NRG1: variants seen among roughly 807,000 people sequenced by gnomAD.
NRG1 encodes neuregulin 1.
A neutral mutation model predicts 63.8 loss-of-function variants in NRG1; 18 were observed. The observed-to-expected ratio is 0.28, with a 90% CI of 0.19 to 0.42. NRG1 has a LOEUF of 0.42. Among genes scored for constraint, NRG1 ranks in the 10% least tolerant of loss-of-function variants. The pLI is 1.00. For missense variants in NRG1, 762 were observed against 814.7 expected, an observed-to-expected ratio of 0.94 and a Z score of 0.79; for synonymous variants, 302 against 301.3, an observed-to-expected ratio of 1.00 and a Z score of -0.02.
intron 1 of NRG1, chr8:32,063,482 C>A (rs1824219435): frequency 6.6e-6 from 1 of 152,074 alleles, no homozygotes; most frequent in African/African-American, 2.4e-5. Flanking sequence ...GAGATCTTGA[C>A]AATTGTCTTG....
chr8:31,939,504 A>G (rs1018723415), intron 1 of NRG1, among the ~76,000 whole-genome samples: 5 of 143,678 alleles, frequency 3.5e-5, no homozygotes, highest in Non-Finnish European at 4.5e-5. Flanking sequence ...TAACACAATG[A>G]AAAAAAAAAA....
chr8:32,642,864 G>A (rs935278469), intron 5 of NRG1, among the ~76,000 whole-genome samples: 1 of 152,084 alleles, frequency 6.6e-6, no homozygotes, highest in Non-Finnish European at 1.5e-5. Flanking sequence ...TGAGTAATAA[G>A]GTCAAAAGCA....
chr8:32,506,076 C>T (rs1828484065), intron 1 of NRG1, among the ~76,000 whole-genome samples: 1 of 151,894 alleles, frequency 6.6e-6, no homozygotes, highest in Admixed American at 6.6e-5. Flanking sequence ...ATAGCAAGAC[C>T]CTGTCTCTAA....
intron 1 of NRG1, among the ~76,000 whole-genome samples, chr8:32,399,749 G>A (rs1029529787): frequency 6.6e-6 from 1 of 152,174 alleles, no homozygotes; most frequent in Non-Finnish European, 1.5e-5. Context: ...TCATAACTTT[G>A]TGTAGAGACT....
chr8:32,389,610 A>G (rs1811452474), intron 1 of NRG1, among the ~76,000 whole-genome samples: 1 of 152,036 alleles, frequency 6.6e-6, no homozygotes, highest in South Asian at 2.1e-4. Context: ...GGCCATCCTC[A>G]CTGACCACCT....
At chr8:32,284,489 G>GCCTTCCTTCATTCCTTCCTTCCTT (rs1554497420) in intron 1 of NRG1, among the ~76,000 whole-genome samples, 1 of 132,522 alleles carries the variant, frequency 7.5e-6, no homozygotes, top group African/African-American at 2.9e-5. Flanking sequence ...CTGCCTGCCT[G>GCCTTCCTTCATTCCTTCCTTCCTT]CCTTCCTTCC....
intron 1 of NRG1, among the ~76,000 whole-genome samples, chr8:32,362,042 C>T (rs1472325827): frequency 6.6e-6 from 1 of 152,116 alleles, no homozygotes; most frequent in African/African-American, 2.4e-5. Flanking sequence ...CCAGTGACAC[C>T]CTCCTCCAGA....
At chr8:32,418,016 A>T (rs116354170) in intron 1 of NRG1, among the ~76,000 whole-genome samples, 1,802 of 152,274 alleles carry the variant, frequency 0.012, 38 homozygotes, top group African/African-American at 0.041. Context: ...TAGTTTTGCT[A>T]TCACTAGATA....
chr8:31,924,824 T>C (rs1834207682), intron 1 of NRG1, among the ~76,000 whole-genome samples: 1 of 151,970 alleles, frequency 6.6e-6, no homozygotes, highest in Non-Finnish European at 1.5e-5. Context: ...ATTCAAAATA[T>C]ATTCTAGCAT....
At chr8:32,642,988 T>A (rs558783888) in intron 5 of NRG1, among the ~76,000 whole-genome samples, 1 of 152,232 alleles carries the variant, frequency 6.6e-6, no homozygotes, top group East Asian at 1.9e-4. Context: ...CTAGCTTGAA[T>A]TGATGTAGCT....
At chr8:32,426,185 G>A (rs1031140071) in intron 1 of NRG1, among the ~76,000 whole-genome samples, 10 of 152,092 alleles carry the variant, frequency 6.6e-5, no homozygotes, top group South Asian at 2.1e-4. Context: ...TTCATTTAGG[G>A]CAAAATCATG....
At chr8:32,008,223 G>C (rs115165252) in intron 1 of NRG1, among the ~76,000 whole-genome samples, 1 of 151,872 alleles carries the variant, frequency 6.6e-6, no homozygotes, top group Non-Finnish European at 1.5e-5. Context: ...ATTAGAGTAC[G>C]CTTTCCCAGA....
intron 5 of NRG1, among the ~76,000 whole-genome samples, chr8:32,681,943 T>A (rs1808759683): frequency 6.6e-6 from 1 of 152,172 alleles, no homozygotes; most frequent in Non-Finnish European, 1.5e-5. Context: ...AACATGCACA[T>A]GGAGTAATAC....
intron 1 of NRG1, among the ~76,000 whole-genome samples, chr8:32,500,046 C>A (rs1023083806): frequency 4.6e-5 from 7 of 152,164 alleles, no homozygotes; most frequent in Admixed American, 2.0e-4. Flanking sequence ...CATAAAATTT[C>A]TTTCTACAAT....
chr8:31,852,577 G>A (rs1242460335), intron 1 of NRG1, among the ~76,000 whole-genome samples: 1 of 151,136 alleles, frequency 6.6e-6, no homozygotes, highest in Non-Finnish European at 1.5e-5. Flanking sequence ...CACTCTGATG[G>A]TAGTTTCTTT....
intron 1 of NRG1, among the ~76,000 whole-genome samples, chr8:32,384,566 G>A (rs1360843334): frequency 6.6e-6 from 1 of 152,210 alleles, no homozygotes; most frequent in Non-Finnish European, 1.5e-5. Flanking sequence ...ACCTTGGGGA[G>A]TGCTAGATAG....
In NRG1 at chr8:32,748,384, G is replaced by C. The variant is rs915835073; in HGVS notation, c.691+5651G>C. 6.3e-4 allele frequency among the ~76,000 whole-genome samples: 96 copies of C among 151,822 alleles called. 3 individuals are homozygous for C. The Middle Eastern group carries it at 0.01, about 16-fold the overall frequency. ...AGAGAGAGAGAGAGAGAGAGAGAGA[G>C]AGAGAGAGAGAGATAAAGGAAGTCC... is the stretch of plus-strand genomic sequence containing the variant. On this transcript the variant is annotated intron_variant, in intron 7 of 11. Coordinates refer to ENST00000356819, the Ensembl canonical transcript of NRG1.
At chr8:31,838,422 T>C (rs531219248) in intron 1 of NRG1, among the ~76,000 whole-genome samples, 1 of 152,278 alleles carries the variant, frequency 6.6e-6, no homozygotes, top group East Asian at 1.9e-4. Context: ...TCTTCACCAC[T>C]GTTACTTGTT....
chr8:32,576,541 A>T (rs568500599), intron 1 of NRG1, among the ~76,000 whole-genome samples: 40 of 152,128 alleles, frequency 2.6e-4, no homozygotes, highest in African/African-American at 9.1e-4. Context: ...AATAAATCTT[A>T]AACATTTTTT....
Sources: allele counts gnomAD v4.1 joint callset (sites outside exome capture counted in the v4.1 genomes callset), GRCh38; gene constraint gnomAD v4.1.1; transcripts MANE v1.5; gene names NCBI Gene and HGNC (gene_info 2026-07-23, HGNC 2026-07-21).